Variants in RSRC1 observed in about 807,000 individuals in gnomAD.
RSRC1 encodes the protein serine/Arginine-related protein 53.
A neutral mutation model predicts 49.1 loss-of-function variants in RSRC1; 39 were observed. The ratio of observed to expected loss-of-function variants is 0.79; its 90% CI spans 0.61 to 1.04. RSRC1 has a LOEUF of 1.04. Among genes scored for constraint, RSRC1 ranks in the 50% least tolerant of loss-of-function variants. The probability of loss-of-function intolerance (pLI) is 0.00; values close to 1 mark genes in which losing one functional copy is unlikely to be tolerated. For missense variants in RSRC1, 388 were observed against 402.4 expected (o/e 0.96, Z 0.31); for synonymous variants, 143 against 130.8 (o/e 1.09, Z -0.63).
chr3:158,372,108 A>G (rs1236774749), intron 6 of RSRC1, among the ~76,000 whole-genome samples: 1 of 151,872 alleles, frequency 6.6e-6, no homozygotes, highest in African/African-American at 2.4e-5. Context: ...AGTATTTTTC[A>G]CAGTTTGTGG....
At chr3:158,484,199 C>T (rs187472663) in intron 7 of RSRC1, among the ~76,000 whole-genome samples, 151 of 152,184 alleles carry the variant, frequency 9.9e-4, no homozygotes, top group African/African-American at 3.3e-3. Context: ...GCAGATAATA[C>T]GGTGTCTTGG....
At chr3:158,192,871 A>G (rs1415589383) in intron 3 of RSRC1, among the ~76,000 whole-genome samples, 1 of 152,104 alleles carries the variant, frequency 6.6e-6, no homozygotes, top group African/African-American at 2.4e-5. Flanking sequence ...ACCTTCCTAT[A>G]TAAAAGATAT....
chr3:158,381,231 C>T (rs1435187829), intron 6 of RSRC1, among the ~76,000 whole-genome samples: 1 of 152,148 alleles, frequency 6.6e-6, no homozygotes, highest in Non-Finnish European at 1.5e-5. Context: ...TGTAAAGATG[C>T]ATTGTTCAAT....
At chr3:158,277,619 TCTTTAA>T (rs1415450559) in intron 4 of RSRC1, among the ~76,000 whole-genome samples, 1 of 152,196 alleles carries the variant, frequency 6.6e-6, no homozygotes, top group African/African-American at 2.4e-5. Context: ...ATGAATATCT[TCTTTAA>T]CTTTGACAGC....
At chr3:158,297,278 C>T (rs1269456275) in intron 4 of RSRC1, among the ~76,000 whole-genome samples, 1 of 151,920 alleles carries the variant, frequency 6.6e-6, no homozygotes, top group Non-Finnish European at 1.5e-5. Context: ...TAACTATTTG[C>T]CACATTTCAA....
chr3:158,455,842 T>C (rs1249178479), intron 6 of RSRC1, among the ~76,000 whole-genome samples: 1 of 151,702 alleles, frequency 6.6e-6, no homozygotes, highest in African/African-American at 2.4e-5. Context: ...TAGCTGGGCA[T>C]GGTGGTGCAT....
chr3:158,327,820 T>G (rs1729260216), intron 5 of RSRC1, among the ~76,000 whole-genome samples: 1 of 152,176 alleles, frequency 6.6e-6, no homozygotes, highest in Non-Finnish European at 1.5e-5. Flanking sequence ...CTGTCTAATG[T>G]TGACAGTGGG....
At chr3:158,347,890 T>A (rs1366112144) in intron 5 of RSRC1, among the ~76,000 whole-genome samples, 1 of 152,062 alleles carries the variant, frequency 6.6e-6, no homozygotes, top group Non-Finnish European at 1.5e-5. Flanking sequence ...TTTAAAAAAA[T>A]TGAATTTTTG....
chr3:158,378,696 C>G (rs1377065011), intron 6 of RSRC1, among the ~76,000 whole-genome samples: 1 of 152,194 alleles, frequency 6.6e-6, no homozygotes, highest in African/African-American at 2.4e-5. Context: ...CTCTGATTCT[C>G]TCTTTTCTAG....
At chr3:158,127,404 A>G (rs557399975) in intron 3 of RSRC1, among the ~76,000 whole-genome samples, 2 of 151,904 alleles carry the variant, frequency 1.3e-5, no homozygotes, top group East Asian at 3.9e-4. Flanking sequence ...ATAATTTTGA[A>G]TTGACCTTTC....
intron 6 of RSRC1, among the ~76,000 whole-genome samples, chr3:158,438,457 G>A (rs925070410): frequency 6.6e-6 from 1 of 152,086 alleles, no homozygotes; most frequent in African/African-American, 2.4e-5. Context: ...CGTGATACTG[G>A]TACCAAAACA....
intron 6 of RSRC1, among the ~76,000 whole-genome samples, chr3:158,431,087 C>T (rs1210016150): frequency 6.6e-6 from 1 of 151,868 alleles, no homozygotes; most frequent in African/African-American, 2.4e-5. Flanking sequence ...CCACAAAACC[C>T]TTTTAGCACC....
At chr3:158,232,041 TTC>T (rs1479783362) in intron 4 of RSRC1, among the ~76,000 whole-genome samples, 1 of 152,198 alleles carries the variant, frequency 6.6e-6, no homozygotes, top group Non-Finnish European at 1.5e-5. Context: ...GTTACTTTTT[TTC>T]TGTTTTAATG....
intron 6 of RSRC1, among the ~76,000 whole-genome samples, chr3:158,447,590 A>G (rs986719323): frequency 6.6e-6 from 1 of 151,956 alleles, no homozygotes; most frequent in Non-Finnish European, 1.5e-5. Flanking sequence ...CTTCTTTGGT[A>G]TGTAATCTTA....
intron 2 of RSRC1, 57 bp downstream of exon 2, chr3:158,122,355 T>C: frequency 8.2e-7 from 1 of 1,221,918 alleles, no homozygotes; most frequent in Non-Finnish European, 1.1e-6. Context: ...TTAAAATTCA[T>C]GTTTTTGTAT....
intron 4 of RSRC1, among the ~76,000 whole-genome samples, chr3:158,242,936 A>G (rs1232155739): frequency 6.6e-6 from 1 of 152,080 alleles, no homozygotes; most frequent in Non-Finnish European, 1.5e-5. Flanking sequence ...TTCTTTGTAG[A>G]TGCCGGATAT....
chr3:158,311,814 A>T (rs903750603), intron 5 of RSRC1, among the ~76,000 whole-genome samples: 3 of 152,146 alleles, frequency 2.0e-5, no homozygotes, highest in African/African-American at 7.2e-5. Context: ...AAAACATCAC[A>T]TTGTATACTT....
Position 158,276,122 on chromosome 3 carries a change from C to T in RSRC1, c.495-21917C>T, listed in dbSNP as rs1393772603. ...TGGCGTCCAGCTCACTCCTCTGCAACGGACTGAAGCTGTGAGCAAACTTTA... is the reference window on the plus strand; with the variant it reads ...TGGCGTCCAGCTCACTCCTCTGCAATGGACTGAAGCTGTGAGCAAACTTTA... On this transcript the variant is annotated intron_variant, in intron 4 of 9. Coordinates refer to ENST00000611884, the MANE Select transcript of RSRC1 (RefSeq NM_001271838.2). 46 of 921,956 alleles carry T rather than the reference C, an allele frequency of 5.0e-5. No individual in the cohort carries two copies. The East Asian group carries it at 7.7e-4, about 16-fold the overall frequency. The allele number at this position is 921,956 out of a possible 1,614,324, so 57.1% of individuals were successfully genotyped here.
chr3:158,334,542 G>A (rs543193566), intron 5 of RSRC1, among the ~76,000 whole-genome samples: 16 of 150,848 alleles, frequency 1.1e-4, no homozygotes, highest in Non-Finnish European at 1.6e-4. Context: ...GTGCAGTGGT[G>A]CGATCTCAGC....
Sources: gnomAD v4.1 joint callset for allele counts (sites outside exome capture counted in the v4.1 genomes callset) on GRCh38, gnomAD v4.1.1 for gene constraint, MANE v1.5 for transcripts, NCBI Gene and HGNC (gene_info 2026-07-23, HGNC 2026-07-21) for gene names.